Variants in SPAG16 observed in about 807,000 individuals in gnomAD.
The protein encoded by SPAG16 is sperm-associated antigen 16 protein.
A neutral mutation model predicts 80.4 loss-of-function variants in SPAG16; 86 were observed. The ratio of observed to expected loss-of-function variants is 1.07; its 90% CI spans 0.90 to 1.28. SPAG16 has a LOEUF of 1.28. Among genes scored for constraint, SPAG16 ranks in the 50% most tolerant of loss-of-function variants. SPAG16 has a pLI of 0.00. For missense variants in SPAG16, 870 were observed against 765.3 expected (o/e 1.14, Z -1.61); for synonymous variants, 294 against 265.9 (o/e 1.11, Z -1.03).
chr2:213,948,345 T>A (rs917719994), intron 12 of SPAG16, among the ~76,000 whole-genome samples: 7 of 152,074 alleles, frequency 4.6e-5, no homozygotes, highest in African/African-American at 1.7e-4. Context: ...AAACAAGCAA[T>A]AAAGGAAGTG....
chr2:213,932,147 CATATATATATATATATATATATATAT>C (rs61264162), intron 12 of SPAG16, among the ~76,000 whole-genome samples: 3,196 of 30,528 alleles, frequency 0.1, 100 homozygotes, highest in South Asian at 0.25. Context: ...CTTGATACTG[CATATATATATATATATATATATATAT>C]ATATATATAT....
intron 15 of SPAG16, among the ~76,000 whole-genome samples, chr2:214,251,113 T>C (rs1039226644): frequency 7.2e-5 from 11 of 151,952 alleles, no homozygotes; most frequent in Admixed American, 7.2e-4. Flanking sequence ...TTTAATGTTC[T>C]TTCCTATGAT....
intron 9 of SPAG16, among the ~76,000 whole-genome samples, chr2:213,450,968 C>G (rs1208956392): frequency 6.6e-6 from 1 of 152,038 alleles, no homozygotes; most frequent in East Asian, 1.9e-4. Flanking sequence ...AAACCTGAAG[C>G]AAAATTGATC....
At chr2:213,529,447 G>T (rs2075996195) in intron 10 of SPAG16, among the ~76,000 whole-genome samples, 2 of 152,128 alleles carry the variant, frequency 1.3e-5, no homozygotes, top group South Asian at 4.1e-4. Context: ...GCTCTCCTTG[G>T]CCATGTGAGC....
intron 4 of SPAG16, 24 bp from the exon 5 acceptor site, chr2:213,317,193 AAC>A: frequency 6.8e-7 from 1 of 1,469,700 alleles, no homozygotes; most frequent in Non-Finnish European, 9.3e-7. Context: ...AAATGATATA[AAC>A]CCTTTTGTTT....
intron 12 of SPAG16, among the ~76,000 whole-genome samples, chr2:213,931,151 C>T (rs951064916): frequency 1.3e-5 from 2 of 152,146 alleles, no homozygotes; most frequent in East Asian, 3.9e-4. Flanking sequence ...TACCATCCTG[C>T]ATGTGAAATT....
intron 14 of SPAG16, among the ~76,000 whole-genome samples, chr2:214,147,327 TTTTTA>T (rs1449960071): frequency 6.6e-6 from 1 of 152,190 alleles, no homozygotes; most frequent in Non-Finnish European, 1.5e-5. Flanking sequence ...ATGAAACTAT[TTTTTA>T]TTTTAAGTAT....
chr2:213,685,899 C>T (rs567483758), intron 10 of SPAG16, among the ~76,000 whole-genome samples: 3 of 152,250 alleles, frequency 2.0e-5, no homozygotes, highest in Admixed American at 2.0e-4. Context: ...CTTTTGTCAT[C>T]AATTTTTCAA....
At chr2:213,349,573 A>T (rs6435770) in intron 6 of SPAG16, among the ~76,000 whole-genome samples, 3 of 152,096 alleles carry the variant, frequency 2.0e-5, no homozygotes, top group African/African-American at 7.2e-5. Flanking sequence ...ATATGACCAA[A>T]AATATTACAT....
At chr2:213,456,818 T>C (rs1224537749) in intron 9 of SPAG16, among the ~76,000 whole-genome samples, 5 of 152,148 alleles carry the variant, frequency 3.3e-5, no homozygotes, top group African/African-American at 4.8e-5. Flanking sequence ...ATGTAATTAA[T>C]TGTTTTATTT....
At chr2:214,387,202 T>C (rs1190256179) in intron 15 of SPAG16, among the ~76,000 whole-genome samples, 1 of 152,240 alleles carries the variant, frequency 6.6e-6, no homozygotes, top group Non-Finnish European at 1.5e-5. Context: ...TTTTGTGTTC[T>C]TAAGATGCCA....
chr2:213,672,701 T>A lies in SPAG16; in HGVS notation c.1070+182611T>A, dbSNP rs140514900. On this transcript the variant is annotated intron_variant, in intron 10 of 15. Coordinates refer to ENST00000331683, the MANE Select transcript of SPAG16 (RefSeq NM_024532.5). The stretch of plus-strand genomic sequence containing the variant: ...TCCAACTGCTTTTATAATATTTATA[T>A]GGGTATCACATTATTGCCTCATCTT... Among the ~76,000 whole-genome samples the A allele has an allele frequency of 3.9e-5, 6 of 152,272 alleles. No individual in the cohort carries two copies. In the East Asian group the frequency reaches 1.2e-3, roughly 29 times the overall value.
intron 12 of SPAG16, among the ~76,000 whole-genome samples, chr2:213,936,225 C>A (rs930824719): frequency 6.6e-6 from 1 of 151,974 alleles, no homozygotes; most frequent in African/African-American, 2.4e-5. Flanking sequence ...AGCAAAGAGG[C>A]CAGCATGACT....
At chr2:214,382,477 G>A (rs533893548) in intron 15 of SPAG16, among the ~76,000 whole-genome samples, 3 of 152,308 alleles carry the variant, frequency 2.0e-5, no homozygotes, top group African/African-American at 7.2e-5. Flanking sequence ...ACTCATGGCA[G>A]CTGGTGCCAT....
At chr2:214,325,105 T>C (rs2126000536) in intron 15 of SPAG16, among the ~76,000 whole-genome samples, 1 of 152,366 alleles carries the variant, frequency 6.6e-6, no homozygotes, top group East Asian at 1.9e-4. Context: ...ATGGTGATGT[T>C]TGTCATAAAT....
intron 10 of SPAG16, among the ~76,000 whole-genome samples, chr2:213,615,812 A>T (rs2061574896): frequency 6.6e-6 from 1 of 152,142 alleles, no homozygotes; most frequent in South Asian, 2.1e-4. Context: ...CTAATAGCAT[A>T]TATATATTAT....
intron 9 of SPAG16, among the ~76,000 whole-genome samples, chr2:213,480,533 A>T (rs1243983000): frequency 6.6e-6 from 1 of 152,230 alleles, no homozygotes; most frequent in Non-Finnish European, 1.5e-5. Flanking sequence ...GAATCTATGA[A>T]TTCTTAATTT....
At chr2:214,124,518 A>G (rs138283472) in intron 14 of SPAG16, among the ~76,000 whole-genome samples, 3 of 152,022 alleles carry the variant, frequency 2.0e-5, no homozygotes, top group East Asian at 3.9e-4. Context: ...ATTGTTTTAC[A>G]TAACAGGGAT....
At chr2:213,344,970 T>C (rs1013351260) in intron 6 of SPAG16, among the ~76,000 whole-genome samples, 1 of 152,206 alleles carries the variant, frequency 6.6e-6, no homozygotes, top group Non-Finnish European at 1.5e-5. Flanking sequence ...ACTTCCACAA[T>C]GGTTGAACTA....
Sources: gnomAD v4.1 joint callset for allele counts (sites outside exome capture counted in the v4.1 genomes callset) on GRCh38, gnomAD v4.1.1 for gene constraint, MANE v1.5 for transcripts, NCBI Gene and HGNC (gene_info 2026-07-23, HGNC 2026-07-21) for gene names.